Variants in CAST observed in about 807,000 individuals in gnomAD.
The protein encoded by CAST is calpastatin.
A neutral mutation model predicts 119.6 loss-of-function variants in CAST; 76 were observed. The ratio of observed to expected loss-of-function variants is 0.64; its 90% confidence interval spans 0.53 to 0.77. The LOEUF is 0.77. Among genes scored for constraint, CAST ranks in the 30% least tolerant of loss-of-function variants. CAST has a pLI of 0.00. For synonymous variants in CAST, 319 were observed against 331.6 expected (o/e 0.96, Z 0.41); for missense variants, 953 against 946.5 (o/e 1.01, Z -0.09).
chr5:96,644,607 C>T (rs548757919), intron 1 of CAST, among the ~76,000 whole-genome samples: 53 of 152,180 alleles, frequency 3.5e-4, no homozygotes, highest in Middle Eastern at 3.4e-3. Flanking sequence ...TTTCAATTTC[C>T]CCTGATGTTA....
In CAST at chr5:96,774,588, T is replaced by C. The variant is rs574921616; in HGVS notation, c.*1972T>C. 1.0e-6 allele frequency: 1 copy of C among 985,580 alleles called. No homozygotes were observed. The highest frequency in any genetic ancestry group is 4.7e-5 in the South Asian group (1 of 21,290). The allele number at this position is 985,580 out of a possible 1,614,324, so 61.1% of individuals were successfully genotyped here. ...GGGCTTTTCCAAAAGCAAACAAAGATAGGTTCCTCAGGTGACCAAAACTGA... is the reference window on the plus strand; with the variant it reads ...GGGCTTTTCCAAAAGCAAACAAAGACAGGTTCCTCAGGTGACCAAAACTGA... On this transcript the variant is annotated 3_prime_UTR_variant, in exon 32 of 32. Coordinates refer to ENST00000675179, the MANE Select transcript of CAST (RefSeq NM_001750.7).
chr5:96,331,124 T>C, the CAST span, among the ~76,000 whole-genome samples: 1 of 152,226 alleles, frequency 6.6e-6, no homozygotes, highest in African/African-American at 2.4e-5. Flanking sequence ...AGAAGGTTTA[T>C]GTAGCTGAGG....
chr5:96,219,034 G>A, the CAST span, among the ~76,000 whole-genome samples: 1 of 152,204 alleles, frequency 6.6e-6, no homozygotes, highest in Admixed American at 6.5e-5. Context: ...ATGAAGCTGT[G>A]TGCAGAACAG....
intron 1 of CAST, among the ~76,000 whole-genome samples, chr5:96,621,062 A>G (rs142803188): frequency 2.0e-5 from 3 of 152,158 alleles, no homozygotes. Flanking sequence ...ACCTCCTCAC[A>G]GATACCTCAA....
At chr5:96,609,969 G>A (rs1016367660) in intron 1 of CAST, among the ~76,000 whole-genome samples, 2 of 152,082 alleles carry the variant, frequency 1.3e-5, no homozygotes, top group Non-Finnish European at 2.9e-5. Flanking sequence ...GAGGTGAAAT[G>A]ATATGGTTTG....
chr5:96,303,873 A>G, the CAST span, among the ~76,000 whole-genome samples: 1 of 152,216 alleles, frequency 6.6e-6, no homozygotes, highest in South Asian at 2.1e-4. Flanking sequence ...GGTTGGTTCC[A>G]AGTCTTTGCT....
chr5:96,341,990 T>C, the CAST span, among the ~76,000 whole-genome samples: 1 of 152,164 alleles, frequency 6.6e-6, no homozygotes, highest in Non-Finnish European at 1.5e-5. Flanking sequence ...TCAAATCCCC[T>C]AAGTTTAACA....
the CAST span, among the ~76,000 whole-genome samples, chr5:95,993,617 C>G: frequency 6.6e-6 from 1 of 152,024 alleles, no homozygotes; most frequent in Non-Finnish European, 1.5e-5. Context: ...ATGACTCTTA[C>G]AAGAAAACAA....
At chr5:96,228,031 G>C in the CAST span, among the ~76,000 whole-genome samples, 1 of 151,504 alleles carries the variant, frequency 6.6e-6, no homozygotes, top group East Asian at 1.9e-4. Context: ...GTGTGTGCAC[G>C]CACATGTGTA....
chr5:96,446,102 A>G, the CAST span, among the ~76,000 whole-genome samples: 3 of 151,094 alleles, frequency 2.0e-5, no homozygotes, highest in African/African-American at 7.3e-5. Flanking sequence ...CTTCCAAATG[A>G]TATAGTGACT....
the CAST span, among the ~76,000 whole-genome samples, chr5:96,461,610 C>G: frequency 6.6e-6 from 1 of 151,944 alleles, no homozygotes; most frequent in Non-Finnish European, 1.5e-5. Context: ...AATGGCCTAC[C>G]GAGGTAAAAC....
At position 96,627,283 on chromosome 5, in the gene CAST, G is replaced by A. The variant is rs1291840366; in HGVS notation, c.61-48256G>A. On this transcript the variant is annotated intron_variant, in intron 1 of 11. Coordinates refer to the CAST transcript ENST00000505143. ...AATATATGCTTTGCCTACTCTAGAG[G>A]GTGATTATGAAAGTTTTTGAGAAAG... Among the ~76,000 whole-genome samples the A allele has an allele frequency of 2.0e-5, 3 of 152,108 alleles. No homozygotes were observed. The East Asian group carries it at 5.8e-4, about 29-fold the overall frequency.
intron 1 of CAST, among the ~76,000 whole-genome samples, chr5:96,649,093 T>G (rs1748059718): frequency 6.6e-6 from 1 of 152,222 alleles, no homozygotes; most frequent in African/African-American, 2.4e-5. Context: ...ATTGCCTATA[T>G]TCAAAGTTTT....
At chr5:96,605,283 G>T (rs189789367) in intron 1 of CAST, among the ~76,000 whole-genome samples, 49 of 152,228 alleles carry the variant, frequency 3.2e-4, no homozygotes, top group African/African-American at 1.1e-3. Flanking sequence ...GCTTTTCACA[G>T]ACTGCATACT....
At chr5:96,703,416 T>C (rs1307358083) in intron 3 of CAST, among the ~76,000 whole-genome samples, 1 of 152,232 alleles carries the variant, frequency 6.6e-6, no homozygotes, top group Admixed American at 6.5e-5. Flanking sequence ...ACATGCTGGG[T>C]GTGGCGTGGC....
chr5:96,503,092 C>T, the CAST span, among the ~76,000 whole-genome samples: 8 of 152,126 alleles, frequency 5.3e-5, no homozygotes, highest in African/African-American at 1.7e-4. Context: ...ATATGGAAGG[C>T]CTGCTCCTTG....
At chr5:96,340,496 T>G in the CAST span, among the ~76,000 whole-genome samples, 2 of 152,130 alleles carry the variant, frequency 1.3e-5, no homozygotes, top group African/African-American at 4.8e-5. Flanking sequence ...GAACTGTGGG[T>G]TTTTAGTAAG....
chr5:96,478,441 C>T, the CAST span, among the ~76,000 whole-genome samples: 1 of 152,078 alleles, frequency 6.6e-6, no homozygotes, highest in Non-Finnish European at 1.5e-5. Context: ...TGAAAAATAC[C>T]CAATTATTTG....
chr5:96,438,478 C>T, the CAST span, among the ~76,000 whole-genome samples: 1 of 152,148 alleles, frequency 6.6e-6, no homozygotes, highest in Non-Finnish European at 1.5e-5. Context: ...TATTATGTCT[C>T]CTCCAAACTG....
Sources: allele counts gnomAD v4.1 joint callset (sites outside exome capture counted in the v4.1 genomes callset), GRCh38; gene constraint gnomAD v4.1.1; transcripts MANE v1.5; gene names NCBI Gene and HGNC (gene_info 2026-07-23, HGNC 2026-07-21).